MICU1: variants seen among roughly 807,000 people sequenced by gnomAD.
MICU1 encodes mitochondrial calcium uptake 1.
Under a neutral mutation model 56.8 loss-of-function variants are expected in MICU1, and 45 were observed. The ratio of observed to expected loss-of-function variants is 0.79; its 90% CI spans 0.62 to 1.02. The LOEUF (loss-of-function observed/expected upper bound fraction) is 1.02. Ranked by LOEUF, MICU1 falls within the 50% of genes least tolerant of loss-of-function variation. The pLI is 0.00. For synonymous variants in MICU1, 186 were observed against 195.1 expected (o/e 0.95, Z 0.39); for missense variants, 504 against 587.1 (o/e 0.86, Z 1.46).
At chr10:72,454,196 TG>T (rs1044506289) in intron 8 of MICU1, among the ~76,000 whole-genome samples, 1 of 152,116 alleles carries the variant, frequency 6.6e-6, no homozygotes, top group Non-Finnish European at 1.5e-5. Context: ...GGCTCACGCC[TG>T]TAATCCCAGC....
chr10:72,605,694 A>G (rs1341112115), intron 1 of MICU1, among the ~76,000 whole-genome samples: 1 of 152,242 alleles, frequency 6.6e-6, no homozygotes, highest in African/African-American at 2.4e-5. Context: ...GATTTAAAGT[A>G]TACAGGAGGA....
intron 8 of MICU1, among the ~76,000 whole-genome samples, chr10:72,434,166 CCTTA>C (rs923935157): frequency 1.3e-5 from 2 of 152,004 alleles, no homozygotes; most frequent in African/African-American, 4.8e-5. Context: ...GGGCCATCTT[CCTTA>C]CTTAGAAAAA....
At chr10:72,456,004 G>A (rs1237945634) in intron 8 of MICU1, among the ~76,000 whole-genome samples, 1 of 152,134 alleles carries the variant, frequency 6.6e-6, no homozygotes, top group Non-Finnish European at 1.5e-5. Context: ...AATACTACTA[G>A]GAAGCAACTG....
At chr10:72,580,045 A>G (rs1357226274) in intron 1 of MICU1, among the ~76,000 whole-genome samples, 1 of 152,216 alleles carries the variant, frequency 6.6e-6, no homozygotes, top group Non-Finnish European at 1.5e-5. Flanking sequence ...AAAAAATGCC[A>G]TCTAAATTAA....
rs755213479 is a variant in MICU1, at chr10:72,563,008, T to C, written c.217A>G (p.Lys73Glu). 5 of 1,607,962 alleles carry C rather than the reference T, an allele frequency of 3.1e-6. No homozygotes were observed. In the South Asian group the frequency reaches 4.5e-5, roughly 14 times the overall value. The change falls in exon 3 of 12, where the codon AAA becomes GAA. Residue 73 changes from lysine (K) to glutamate (E), a missense_variant. Transcript: ENST00000361114. The stretch of plus-strand genomic sequence containing the variant: ...TCCCCTTCATCTTTATTCTTCCCTT[T>C]ATCACCGATGTCACTTTTTAGGTTG... ...VDNLKSDIGD[K>E]GKNKDEGDVC...
chr10:72,438,077 C>T (rs1357951235), intron 8 of MICU1, among the ~76,000 whole-genome samples: 1 of 152,190 alleles, frequency 6.6e-6, no homozygotes, highest in Non-Finnish European at 1.5e-5. Flanking sequence ...CTCTCCACCC[C>T]AAATCAACAG....
intron 3 of MICU1, among the ~76,000 whole-genome samples, chr10:72,559,638 C>A (rs774932258): frequency 2.6e-5 from 4 of 151,822 alleles, no homozygotes; most frequent in Admixed American, 2.0e-4. Flanking sequence ...CCATCCTGGG[C>A]AAATATTGAG....
intron 8 of MICU1, among the ~76,000 whole-genome samples, chr10:72,431,064 C>G (rs1864510587): frequency 6.6e-6 from 1 of 151,498 alleles, no homozygotes; most frequent in South Asian, 2.1e-4. Flanking sequence ...TTACAGATTT[C>G]TACTGCTTTG....
intron 8 of MICU1, among the ~76,000 whole-genome samples, chr10:72,465,926 T>C (rs1865782733): frequency 6.6e-6 from 1 of 152,186 alleles, no homozygotes; most frequent in African/African-American, 2.4e-5. Flanking sequence ...AAAATTAGCA[T>C]AATTTTTTTT....
At position 72,615,044 on chromosome 10, in the gene MICU1, TGCA is replaced by T. The variant is rs1266720020; in HGVS notation, c.-2+10963_-2+10965del. Among the ~76,000 whole-genome samples the T allele has an allele frequency of 3.3e-5, 5 of 152,326 alleles. No individual in the cohort carries two copies. The East Asian group carries it at 9.6e-4, about 29-fold the overall frequency. On this transcript the variant is annotated intron_variant, in intron 1 of 11. Coordinates refer to ENST00000361114, the MANE Select transcript of MICU1 (RefSeq NM_001195518.2). ...TAATTTCTGAAAAGGGCAAATATAT[TGCA>T]GCATTTTTCATACTGCGGATTTGTC...
Position 72,570,192 on chromosome 10 carries a change from G to A in MICU1, c.-1-3398C>T, listed in dbSNP as rs142596510. Among the ~76,000 whole-genome samples the A allele has an allele frequency of 4.7e-4, 71 of 152,204 alleles. 1 individual carries two copies. The East Asian group carries it at 0.01, about 22-fold the overall frequency. ...ACTCCTGACCTCAAGTGATCTGCCC[G>A]CCTTGGCCTCCCAAAGTGCTGGGAT... is the stretch of plus-strand genomic sequence containing the variant. On this transcript the variant is annotated intron_variant, in intron 1 of 11. Transcript: ENST00000361114.
Position 72,526,276 on chromosome 10 carries a change from C to T in MICU1, c.537+7470G>A, listed in dbSNP as rs560507303. Among the ~76,000 whole-genome samples the T allele has an allele frequency of 1.2e-4, 19 of 152,260 alleles. No individual in the cohort carries two copies. The South Asian group carries it at 3.5e-3, about 28-fold the overall frequency. ...GATATGAAATGTTGAATTTGTTCCT[C>T]AATTCACTTTTGCAAATTAATTACA... On this transcript the variant is annotated intron_variant, in intron 5 of 11. Coordinates refer to ENST00000361114, the MANE Select transcript of MICU1 (RefSeq NM_001195518.2).
intron 1 of MICU1, among the ~76,000 whole-genome samples, chr10:72,601,507 T>C (rs575768291): frequency 6.6e-6 from 1 of 151,306 alleles, no homozygotes; most frequent in South Asian, 2.1e-4. Context: ...TGTATATATA[T>C]GTTTGATGTA....
At chr10:72,580,772 C>T (rs765128163) in intron 1 of MICU1, among the ~76,000 whole-genome samples, 28 of 152,274 alleles carry the variant, frequency 1.8e-4, no homozygotes, top group African/African-American at 2.4e-4. Flanking sequence ...CCACTGTGCC[C>T]GGCCAAGCTT....
rs1278281967 is a variant in MICU1, at chr10:72,508,180, G to A, written c.627C>T (p.Tyr209=). The change falls in exon 6 of 12, where the codon TAC becomes TAT. Residue 209 remains tyrosine (Y), a synonymous_variant. Transcript: ENST00000361114. ...TGGAAAGAACAGTTGTGAGGAAAAT[G>A]TAGTCTGAAAAGGATATGAGCCCAC... is the stretch of plus-strand genomic sequence containing the variant. ...GECGLISFSD[Y]IFLTTVLSTP... 1.3e-6 allele frequency: 2 copies of A among 1,532,598 alleles called. No individual in the cohort carries two copies. Among genetic ancestry groups the A allele is most frequent in the South Asian group, 1.3e-5 (1 of 76,722 alleles). The allele number at this position is 1,532,598 out of a possible 1,614,324, so 94.9% of individuals were successfully genotyped here.
At chr10:72,509,923 G>C (rs575313897) in intron 5 of MICU1, among the ~76,000 whole-genome samples, 4 of 152,064 alleles carry the variant, frequency 2.6e-5, no homozygotes, top group African/African-American at 9.6e-5. Context: ...CGTTACCCAA[G>C]ATACTGCAAA....
chr10:72,530,185 G>T (rs1839436957), intron 5 of MICU1, among the ~76,000 whole-genome samples: 1 of 151,100 alleles, frequency 6.6e-6, no homozygotes, highest in African/African-American at 2.4e-5. Flanking sequence ...AAAAAATTTA[G>T]CCGGGTGTGG....
intron 8 of MICU1, among the ~76,000 whole-genome samples, chr10:72,467,248 A>G (rs2132251518): frequency 6.6e-6 from 1 of 152,178 alleles, no homozygotes; most frequent in East Asian, 1.9e-4. Context: ...CAATGGTGCA[A>G]TCTTGGCTCA....
At chr10:72,375,743 T>C in intron 11 of MICU1, 40 bp downstream of exon 11, 1 of 1,584,952 alleles carries the variant, frequency 6.3e-7, no homozygotes, top group Non-Finnish European at 8.6e-7. Context: ...TAAGGGCAGC[T>C]AGGCTGTTTC....
Sources: allele counts gnomAD v4.1 joint callset (sites outside exome capture counted in the v4.1 genomes callset), GRCh38; gene constraint gnomAD v4.1.1; transcripts MANE v1.5; gene names NCBI Gene and HGNC (gene_info 2026-07-23, HGNC 2026-07-21).